The following FOXJ3 variants were observed in gnomAD, a reference collection of about 807,000 sequenced individuals.
The protein encoded by FOXJ3 is forkhead box J3.
In FOXJ3, 22 loss-of-function variants were observed where a neutral mutation model predicts 76.1. The ratio of observed to expected loss-of-function variants is 0.29; its 90% CI spans 0.21 to 0.41. The LOEUF (loss-of-function observed/expected upper bound fraction) is 0.41, where lower values mean the gene tolerates loss of function less well. FOXJ3 is among the 10% of genes least tolerant of loss of function. The probability of loss-of-function intolerance (pLI) is 1.00; values close to 1 mark genes in which losing one functional copy is unlikely to be tolerated. For synonymous variants in FOXJ3, 269 were observed against 261.2 expected, an observed-to-expected ratio of 1.03 and a Z score of -0.29; for missense variants, 613 against 762.1, an observed-to-expected ratio of 0.80 and a Z score of 2.30.
At chr1:42,217,018 G>C (rs1326187152) in intron 5 of FOXJ3, among the ~76,000 whole-genome samples, 8 of 152,130 alleles carry the variant, frequency 5.3e-5, no homozygotes, top group Admixed American at 6.5e-5. Context: ...AATGCTGTCT[G>C]CAAGAGCCAC....
intron 2 of FOXJ3, among the ~76,000 whole-genome samples, chr1:42,291,166 T>C (rs970536459): frequency 6.6e-6 from 1 of 152,134 alleles, no homozygotes; most frequent in African/African-American, 2.4e-5. Context: ...AAGGAAAGAC[T>C]TTTCAAAAAA....
intron 1 of FOXJ3, among the ~76,000 whole-genome samples, chr1:42,319,334 G>A (rs1332901538): frequency 6.6e-6 from 1 of 152,116 alleles, no homozygotes; most frequent in Non-Finnish European, 1.5e-5. Context: ...ACAATAAAAA[G>A]GAATAAATGT....
chr1:42,293,282 C>CA (rs5773765), intron 2 of FOXJ3, among the ~76,000 whole-genome samples: 86,649 of 149,022 alleles, frequency 0.58, 25,163 homozygotes, highest in Middle Eastern at 0.65. Flanking sequence ...CTTGCTCTAA[C>CA]AAAAAAAAAA....
chr1:42,229,803 G>A (rs1009569406), intron 4 of FOXJ3, among the ~76,000 whole-genome samples: 2 of 152,148 alleles, frequency 1.3e-5, no homozygotes, highest in African/African-American at 2.4e-5. Flanking sequence ...TTTATACTGA[G>A]TTCTTATAAA....
intron 5 of FOXJ3, among the ~76,000 whole-genome samples, chr1:42,217,523 G>A (rs531839790): frequency 3.3e-5 from 5 of 150,530 alleles, no homozygotes; most frequent in Non-Finnish European, 7.4e-5. Flanking sequence ...GCAAGACTCC[G>A]CCTCAAAAAA....
chr1:42,201,282 A>C (rs1646759959), intron 6 of FOXJ3, among the ~76,000 whole-genome samples: 1 of 152,234 alleles, frequency 6.6e-6, no homozygotes, highest in Non-Finnish European at 1.5e-5. Flanking sequence ...GATGTCAAAT[A>C]AAAGTGCTGA....
At chr1:42,204,870 A>C (rs1646831436) in intron 6 of FOXJ3, among the ~76,000 whole-genome samples, 1 of 152,220 alleles carries the variant, frequency 6.6e-6, no homozygotes, top group Non-Finnish European at 1.5e-5. Flanking sequence ...TCATCTGTTT[A>C]ATCATTATCT....
intron 4 of FOXJ3, among the ~76,000 whole-genome samples, chr1:42,230,136 G>A (rs903843270): frequency 5.9e-5 from 9 of 152,222 alleles, no homozygotes; most frequent in Middle Eastern, 3.4e-3. Context: ...AATCCTGAAC[G>A]CCTAAATGCA....
intron 5 of FOXJ3, among the ~76,000 whole-genome samples, chr1:42,221,389 T>C (rs1465874887): frequency 6.6e-6 from 1 of 152,158 alleles, no homozygotes; most frequent in African/African-American, 2.4e-5. Flanking sequence ...AAAGAATGAA[T>C]AGACAAGAAT....
chr1:42,331,016 A>C (rs1469991349), intron 1 of FOXJ3, among the ~76,000 whole-genome samples: 1 of 152,218 alleles, frequency 6.6e-6, no homozygotes, highest in Admixed American at 6.5e-5. Context: ...CAGAGGTTAT[A>C]ATCTAAAAGA....
chr1:42,273,674 C>CAA (rs35528514), intron 3 of FOXJ3, among the ~76,000 whole-genome samples: 47,296 of 86,114 alleles, frequency 0.55, 13,066 homozygotes, highest in Middle Eastern at 0.62. Flanking sequence ...CACTCCATCT[C>CAA]AAAAAAAAAA....
At chr1:42,279,016 GC>G (rs1360022442) in intron 2 of FOXJ3, among the ~76,000 whole-genome samples, 4 of 152,244 alleles carry the variant, frequency 2.6e-5, no homozygotes, top group South Asian at 2.1e-4. Flanking sequence ...CCCAGCTGCA[GC>G]CCAACTCTTT....
In FOXJ3 at chr1:42,321,549, G is replaced by A. The variant is rs12410078; in HGVS notation, c.-17-10439C>T. ...AGGTAGGAAACAGAAGAACAGACCT[G>A]ATGTATGTACCAGGACTCTTCAAAA... On this transcript the variant is annotated intron_variant, in intron 1 of 12. Transcript: ENST00000361346. 8.6e-3 allele frequency among the ~76,000 whole-genome samples: 1,313 copies of A among 152,238 alleles called. 16 individuals carry two copies. Among genetic ancestry groups the A allele is most frequent in the Admixed American group, 0.027 (415 of 15,282 alleles).
At chr1:42,295,430 TAC>T (rs1222215324) in intron 2 of FOXJ3, among the ~76,000 whole-genome samples, 1 of 152,038 alleles carries the variant, frequency 6.6e-6, no homozygotes, top group South Asian at 2.1e-4. Flanking sequence ...ATCTGTATAC[TAC>T]ACTTTATTCA....
chr1:42,227,129 TA>T (rs1217629681), intron 5 of FOXJ3, among the ~76,000 whole-genome samples: 1 of 152,212 alleles, frequency 6.6e-6, no homozygotes, highest in African/African-American at 2.4e-5. Flanking sequence ...AGAAATTCCA[TA>T]AAAGAGTTTT....
At chr1:42,333,482 C>T (rs915435527) in intron 1 of FOXJ3, among the ~76,000 whole-genome samples, 16 of 152,074 alleles carry the variant, frequency 1.1e-4, no homozygotes, top group South Asian at 2.1e-4. Flanking sequence ...AGAAGATTCA[C>T]CTCAATTCTG....
intron 2 of FOXJ3, among the ~76,000 whole-genome samples, chr1:42,295,388 A>G (rs542393994): frequency 6.6e-6 from 1 of 152,192 alleles, no homozygotes; most frequent in East Asian, 1.9e-4. Context: ...ACATGATTTC[A>G]TTCTTTTCTA....
intron 1 of FOXJ3, among the ~76,000 whole-genome samples, chr1:42,319,988 T>C (rs189264750): frequency 3.3e-5 from 5 of 152,316 alleles, no homozygotes; most frequent in Non-Finnish European, 5.9e-5. Context: ...AAAAGTTTCA[T>C]ACACCTGAAA....
chr1:42,242,506 C>G (rs1240029274), intron 4 of FOXJ3, among the ~76,000 whole-genome samples: 9 of 147,940 alleles, frequency 6.1e-5, no homozygotes, highest in Non-Finnish European at 1.5e-5. Flanking sequence ...TAGACTAGAT[C>G]AAGCAGAAAG....
Sources: gnomAD v4.1 joint callset for allele counts (sites outside exome capture counted in the v4.1 genomes callset) on GRCh38, gnomAD v4.1.1 for gene constraint, MANE v1.5 for transcripts, NCBI Gene and HGNC (gene_info 2026-07-23, HGNC 2026-07-21) for gene names.